The following SH3BGRL2 variants were observed in gnomAD, a reference collection of about 807,000 sequenced individuals.
The protein encoded by SH3BGRL2 is SH3 domain binding glutamate rich protein like 2.
SH3BGRL2 carries 21 observed loss-of-function variants against 14.8 expected under a neutral mutation model. That is an observed-to-expected ratio of 1.42 (90% confidence interval 1.01 to 2.05). The LOEUF (loss-of-function observed/expected upper bound fraction) is 2.05, where lower values mean the gene tolerates loss of function less well. Among genes scored for constraint, SH3BGRL2 ranks in the 30% most tolerant of loss-of-function variants. SH3BGRL2 has a pLI of 0.00. For synonymous variants in SH3BGRL2, 50 were observed against 47.8 expected, an observed-to-expected ratio of 1.05 and a Z score of -0.19; for missense variants, 147 against 130.8, an observed-to-expected ratio of 1.12 and a Z score of -0.61.
At position 79,690,000 on chromosome 6, in the gene SH3BGRL2, C is replaced by CATA. The variant is rs553973776; in HGVS notation, c.232-6484_232-6482dup. Among the ~76,000 whole-genome samples, 74 of 151,610 alleles carry CATA rather than the reference C, an allele frequency of 4.9e-4. 1 individual carries two copies. In the South Asian group the frequency reaches 0.015, roughly 30 times the overall value. On this transcript the variant is annotated intron_variant, in intron 2 of 3. Coordinates refer to ENST00000369838, the MANE Select transcript of SH3BGRL2 (RefSeq NM_031469.4). ...TTGTTTGTTTTTGTTTTTGTTTTGA[C>CATA]ATAGGCCCTCCGTCACTCTGTCACC...
the SH3BGRL2 span, among the ~76,000 whole-genome samples, chr6:79,576,781 C>T: frequency 2.0e-5 from 3 of 152,122 alleles, no homozygotes; most frequent in East Asian, 5.8e-4. Flanking sequence ...TCTTTGATGC[C>T]CCTTCTAAGG....
upstream of SH3BGRL2, chr6:79,631,285 G>C (rs1449478202): frequency 1.3e-5 from 6 of 450,758 alleles, no homozygotes; most frequent in African/African-American, 6.1e-5. Context: ...GCCTGCGGCC[G>C]GGCGGCGCTG....
intron 3 of SH3BGRL2, among the ~76,000 whole-genome samples, chr6:79,699,026 CT>C (rs924610830): frequency 6.6e-6 from 1 of 151,514 alleles, no homozygotes; most frequent in African/African-American, 2.4e-5. Flanking sequence ...CAGAGGCCCC[CT>C]GTGCCAGATG....
At chr6:79,622,310 C>CGTCT in the SH3BGRL2 span, among the ~76,000 whole-genome samples, 1 of 152,156 alleles carries the variant, frequency 6.6e-6, no homozygotes, top group Admixed American at 6.5e-5. Context: ...ACTACAAAGA[C>CGTCT]AATTGTTACT....
intron 1 of SH3BGRL2, 56 bp downstream of exon 1, chr6:79,631,562 G>C (rs151332702): frequency 0.098 from 129,369 of 1,322,456 alleles, 7,054 homozygotes; most frequent in Non-Finnish European, 0.11. Flanking sequence ...GGTCCTGCGG[G>C]AGGCGCGCGG....
chr6:79,555,531 A>G, the SH3BGRL2 span, among the ~76,000 whole-genome samples: 2 of 152,186 alleles, frequency 1.3e-5, no homozygotes, highest in Non-Finnish European at 2.9e-5. Context: ...TTTTGTTTTG[A>G]GGCGGAGTCT....
At chr6:79,684,825 C>T (rs1304504630) in intron 2 of SH3BGRL2, among the ~76,000 whole-genome samples, 1 of 152,260 alleles carries the variant, frequency 6.6e-6, no homozygotes, top group South Asian at 2.1e-4. Flanking sequence ...AATCTGTATT[C>T]CAAGGCCTTC....
intron 1 of SH3BGRL2, among the ~76,000 whole-genome samples, chr6:79,654,473 C>T (rs1562148496): frequency 6.6e-6 from 1 of 152,148 alleles, no homozygotes; most frequent in African/African-American, 2.4e-5. Context: ...TTTCTTTTCT[C>T]ATAGTTTCTA....
intron 2 of SH3BGRL2, among the ~76,000 whole-genome samples, chr6:79,695,805 C>A (rs1770319514): frequency 6.6e-6 from 1 of 152,140 alleles, no homozygotes; most frequent in South Asian, 2.1e-4. Flanking sequence ...TTTAAGACTG[C>A]TTTACATATG....
At chr6:79,683,235 C>A (rs1432136995) in intron 2 of SH3BGRL2, among the ~76,000 whole-genome samples, 1 of 152,038 alleles carries the variant, frequency 6.6e-6, no homozygotes, top group East Asian at 1.9e-4. Flanking sequence ...GGCAAGATGT[C>A]TCATTTCCAT....
chr6:79,606,190 A>G, the SH3BGRL2 span, among the ~76,000 whole-genome samples: 1 of 152,094 alleles, frequency 6.6e-6, no homozygotes, highest in African/African-American at 2.4e-5. Flanking sequence ...GGGAATTGCA[A>G]GGCATCCAGC....
At chr6:79,572,270 C>G in the SH3BGRL2 span, among the ~76,000 whole-genome samples, 2 of 152,122 alleles carry the variant, frequency 1.3e-5, no homozygotes, top group Non-Finnish European at 2.9e-5. Context: ...GTTGTATACA[C>G]ATATGATATC....
chr6:79,640,220 C>A (rs1769003342), intron 1 of SH3BGRL2, among the ~76,000 whole-genome samples: 1 of 152,128 alleles, frequency 6.6e-6, no homozygotes, highest in South Asian at 2.1e-4. Context: ...GTGCAGTTTC[C>A]CTTCTGTCTC....
chr6:79,629,908 A>G (rs1008092507), upstream of SH3BGRL2, among the ~76,000 whole-genome samples: 2 of 152,234 alleles, frequency 1.3e-5, no homozygotes, highest in Non-Finnish European at 2.9e-5. Context: ...TTCATAGCTG[A>G]ATAATTCCAA....
intron 1 of SH3BGRL2, among the ~76,000 whole-genome samples, chr6:79,645,876 A>G (rs1000802083): frequency 8.5e-5 from 13 of 152,150 alleles, no homozygotes; most frequent in Non-Finnish European, 1.8e-4. Context: ...GCTTGGTGCT[A>G]GCATGGTGTC....
At chr6:79,626,553 A>G (rs1365623976), upstream of SH3BGRL2, among the ~76,000 whole-genome samples, 4 of 152,170 alleles carry the variant, frequency 2.6e-5, no homozygotes, top group African/African-American at 7.2e-5. Flanking sequence ...ATAATAAACT[A>G]CTATCATAAT....
chr6:79,656,085 GGT>G (rs1177774271), intron 1 of SH3BGRL2, among the ~76,000 whole-genome samples: 7 of 152,238 alleles, frequency 4.6e-5, no homozygotes, highest in African/African-American at 1.7e-4. Context: ...ATCTAATTTA[GGT>G]TTTTTAAAGA....
At chr6:79,539,426 G>C in the SH3BGRL2 span, among the ~76,000 whole-genome samples, 1 of 152,156 alleles carries the variant, frequency 6.6e-6, no homozygotes, top group Non-Finnish European at 1.5e-5. Context: ...TGAAATTATA[G>C]TTAACAGAAA....
the SH3BGRL2 span, among the ~76,000 whole-genome samples, chr6:79,615,832 C>CT: frequency 0.097 from 10,603 of 109,166 alleles, 708 homozygotes; most frequent in Non-Finnish European, 0.13. Flanking sequence ...TTTTTTCTTT[C>CT]TTTTTTTTTT....
Sources: gnomAD v4.1 joint callset for allele counts (sites outside exome capture counted in the v4.1 genomes callset) on GRCh38, gnomAD v4.1.1 for gene constraint, MANE v1.5 for transcripts, NCBI Gene and HGNC (gene_info 2026-07-23, HGNC 2026-07-21) for gene names.